Variants in XRN1 observed in about 807,000 individuals in gnomAD.
The protein encoded by XRN1 is strand-exchange protein 1 homolog.
In XRN1, 67 loss-of-function variants were observed where a neutral mutation model predicts 222.3. The observed-to-expected ratio is 0.30, with a 90% confidence interval of 0.25 to 0.37. XRN1 has a LOEUF of 0.37. XRN1 is among the 10% of genes least tolerant of loss of function. The pLI, the probability that XRN1 is intolerant of heterozygous loss-of-function variation, is 1.00. For missense variants in XRN1, 1,707 were observed against 2,000.2 expected (o/e 0.85, Z 2.80); for synonymous variants, 643 against 652.4 (o/e 0.99, Z 0.22).
intron 21 of XRN1, among the ~76,000 whole-genome samples, chr3:142,383,772 G>T (rs1191687522): frequency 6.6e-6 from 1 of 152,046 alleles, no homozygotes; most frequent in Non-Finnish European, 1.5e-5. Flanking sequence ...TCACTACACT[G>T]TACTATAACA....
At position 142,421,284 on chromosome 3, in the gene XRN1, A is replaced by T. The variant is rs1369302914; in HGVS notation, c.1036-131T>A. The T allele has an allele frequency of 1.4e-5, 14 of 987,242 alleles. No homozygotes were observed. The Admixed American group carries it at 4.7e-4, about 33-fold the overall frequency. The allele number at this position is 987,242 out of a possible 1,614,324, so 61.2% of individuals were successfully genotyped here. A position where few individuals can be genotyped will look rare whatever the true frequency, so the allele number is the denominator to read the frequency against. ...AATGTTACTCTTTTATATATATGGG[A>T]GACCTCATGTGTTACTCTAAAAATA... On this transcript the variant is annotated intron_variant, in intron 9 of 40. Transcript: ENST00000392981.
At chr3:142,338,865 C>T (rs867857614) in intron 33 of XRN1, among the ~76,000 whole-genome samples, 1 of 152,154 alleles carries the variant, frequency 6.6e-6, no homozygotes, top group Admixed American at 6.5e-5. Flanking sequence ...CTCTTCTGCC[C>T]GCAGAAAGTG....
At chr3:142,355,519 T>C (rs1483101062) in intron 31 of XRN1, 23 bp from the exon 32 acceptor site, 1 of 1,411,850 alleles carries the variant, frequency 7.1e-7, no homozygotes, top group African/African-American at 1.4e-5. Context: ...AAACAATTTC[T>C]TGAGAAAATG....
intron 15 of XRN1, among the ~76,000 whole-genome samples, chr3:142,407,108 TCTTTGGCATC>T (rs1240778789): frequency 6.6e-6 from 1 of 152,200 alleles, no homozygotes; most frequent in Non-Finnish European, 1.5e-5. Flanking sequence ...AGTTATTTGG[TCTTTGGCATC>T]CTTAATTCTT....
chr3:142,420,232 A>G (rs1388355365), intron 10 of XRN1: 1 of 152,166 alleles, frequency 6.6e-6, no homozygotes, highest in Non-Finnish European at 1.5e-5. Context: ...GCAGTCCTCC[A>G]CTACCATAAG....
At chr3:142,402,563 G>T (rs2068183234) in intron 18 of XRN1, among the ~76,000 whole-genome samples, 1 of 152,066 alleles carries the variant, frequency 6.6e-6, no homozygotes, top group Admixed American at 6.6e-5. Context: ...TCTCAAAGAT[G>T]GTACATAACT....
At chr3:142,430,850 C>T (rs764864649) in intron 2 of XRN1, among the ~76,000 whole-genome samples, 2 of 152,210 alleles carry the variant, frequency 1.3e-5, no homozygotes, top group Non-Finnish European at 2.9e-5. Flanking sequence ...TTCCACATGT[C>T]CAGGAATGAA....
At chr3:142,425,578 A>T (rs2069213373) in intron 3 of XRN1, 40 bp from the exon 4 acceptor site, 1 of 1,520,724 alleles carries the variant, frequency 6.6e-7, no homozygotes, top group Non-Finnish European at 9.0e-7. Context: ...TAAGAAAGAC[A>T]TAAAAACATT....
chr3:142,382,926 C>T (rs2067354813), intron 22 of XRN1, among the ~76,000 whole-genome samples: 1 of 152,036 alleles, frequency 6.6e-6, no homozygotes, highest in Non-Finnish European at 1.5e-5. Context: ...GTACCTTTTT[C>T]CATTTAAGAA....
At position 142,308,668 on chromosome 3, in the gene XRN1, G is replaced by C. The variant is rs1372289344; in HGVS notation, c.*2843C>G. ...GTGAAAAGGAACGAGACTGGAAGGA[G>C]CAATCTTCAAAATTCACTTAAGTTG... On this transcript the variant is annotated 3_prime_UTR_variant, in exon 41 of 41. Coordinates refer to ENST00000392981, the MANE Select transcript of XRN1 (RefSeq NM_001282857.2). The C allele has an allele frequency of 6.6e-6, 1 of 152,130 alleles. No homozygotes were observed. Among genetic ancestry groups the C allele is most frequent in the Non-Finnish European group, 1.5e-5 (1 of 68,016 alleles). 9.4% of individuals were successfully genotyped at this position (152,130 alleles called of 1,614,324 possible).
chr3:142,396,018 A>C (rs1477411770), intron 20 of XRN1, among the ~76,000 whole-genome samples: 1 of 152,216 alleles, frequency 6.6e-6, no homozygotes, highest in African/African-American at 2.4e-5. Flanking sequence ...GTCTCAGAGC[A>C]CTACTCCTTC....
At chr3:142,312,876 C>T in intron 39 of XRN1, 118 bp from the exon 40 acceptor site, 1 of 1,058,966 alleles carries the variant, frequency 9.4e-7, no homozygotes, top group Non-Finnish European at 1.4e-6. Context: ...GGCAAAAGGC[C>T]TACACTTACT....
At chr3:142,324,130 T>C (rs1242994019) in intron 37 of XRN1, among the ~76,000 whole-genome samples, 1 of 151,972 alleles carries the variant, frequency 6.6e-6, no homozygotes, top group East Asian at 1.9e-4. Flanking sequence ...AGTTTTAGGG[T>C]ACATGTGCAC....
chr3:142,312,642 C>T lies in XRN1; in HGVS notation c.4738G>A (p.Gly1580Arg). The T allele has an allele frequency of 6.2e-7, 1 of 1,613,314 alleles. No homozygotes were observed. The highest frequency in any genetic ancestry group is 8.5e-7 in the Non-Finnish European group (1 of 1,179,414). Reference sequence around the variant, plus strand: ...TTGTGCACACCCCCTGGTATTCCCCCAGCCATGGGCATGGTCCCAGAATAT... The same window carrying T: ...TTGTGCACACCCCCTGGTATTCCCCTAGCCATGGGCATGGTCCCAGAATAT... ...TLYSGTMPMA[G>R]GIPGGVHNQF... is the part of the protein sequence containing the mutation. The change falls in exon 40 of 41, where the codon GGG (glycine) becomes AGG (arginine). Residue 1580 changes from glycine (G) to arginine (R), a missense_variant. Around this residue, in one of 2 missense-constraint regions of XRN1, gnomAD observed 473 missense variants for 482.0 expected, o/e 0.98. Transcript: ENST00000392981.
intron 1 of XRN1, among the ~76,000 whole-genome samples, chr3:142,438,132 T>C (rs570816178): frequency 6.6e-6 from 1 of 152,316 alleles, no homozygotes; most frequent in South Asian, 2.1e-4. Flanking sequence ...GAAGAACAGT[T>C]TGAAGGTTCT....
chr3:142,405,220 C>T (rs1000814602), intron 15 of XRN1, 144 bp from the exon 16 acceptor site: 3 of 713,876 alleles, frequency 4.2e-6, no homozygotes, highest in African/African-American at 3.6e-5. Flanking sequence ...TAATGAAACT[C>T]TTCCATTTTA....
At chr3:142,411,736 A>AT (rs2068588531) in intron 15 of XRN1, among the ~76,000 whole-genome samples, 3 of 151,986 alleles carry the variant, frequency 2.0e-5, no homozygotes, top group Admixed American at 2.0e-4. Context: ...ATGTATGGGG[A>AT]TCCCCCAGAT....
At chr3:142,360,010 G>A in intron 29 of XRN1, 79 bp from the exon 30 acceptor site, 2 of 894,584 alleles carry the variant, frequency 2.2e-6, no homozygotes, top group Non-Finnish European at 3.3e-6. Flanking sequence ...TGGAGTGTTT[G>A]GAAGTATTTA....
chr3:142,442,416 C>A (rs2070265558), intron 1 of XRN1, among the ~76,000 whole-genome samples: 1 of 152,136 alleles, frequency 6.6e-6, no homozygotes, highest in Non-Finnish European at 1.5e-5. Flanking sequence ...ATGGGGTAAT[C>A]CCCTCCAGGA....
Sources: allele counts gnomAD v4.1 joint callset (sites outside exome capture counted in the v4.1 genomes callset), GRCh38; gene constraint gnomAD v4.1.1; regional missense constraint gnomAD v4.1.1; transcripts MANE v1.5; gene names NCBI Gene and HGNC (gene_info 2026-07-23, HGNC 2026-07-21).